The following PEAR1 variants were observed in gnomAD, a reference collection of about 807,000 sequenced individuals.
The protein encoded by PEAR1 is platelet endothelial aggregation receptor 1.
Under a neutral mutation model 131.2 loss-of-function variants are expected in PEAR1, and 113 were observed. The observed-to-expected ratio is 0.86, with a 90% CI of 0.74 to 1.01. The LOEUF (loss-of-function observed/expected upper bound fraction) is 1.01, where lower values mean the gene tolerates loss of function less well. Ranked by LOEUF, PEAR1 falls within the 50% of genes least tolerant of loss-of-function variation. The pLI, the probability that PEAR1 is intolerant of heterozygous loss-of-function variation, is 0.00. For missense variants in PEAR1, 1,408 were observed against 1,391.1 expected (o/e 1.01, Z -0.19); for synonymous variants, 565 against 523.3 (o/e 1.08, Z -1.09).
At position 156,913,740 on chromosome 1, in the gene PEAR1, C is replaced by T. The variant is rs1651548036; in HGVS notation, c.2693C>T (p.Pro898Leu). Residue 898 changes from proline (P) to leucine (L), a missense_variant, in exon 21 of 23, where the codon CCA becomes CTA. Coordinates refer to ENST00000292357, the MANE Select transcript of PEAR1 (RefSeq NM_001080471.3). The stretch of plus-strand genomic sequence containing the variant: ...TACAGCTATAGCTACAGCAATGGCC[C>T]AGGCCCATTCTACAATAAAGGTATG... Reference protein sequence around the residue: ...RSYSYSYSNGPGPFYNKGLIS... With the variant: ...RSYSYSYSNGLGPFYNKGLIS... 1 of 1,614,084 alleles carries T rather than the reference C, an allele frequency of 6.2e-7. No homozygotes were observed. Among genetic ancestry groups the T allele is most frequent in the Non-Finnish European group, 8.5e-7 (1 of 1,179,986 alleles).
In PEAR1 at chr1:156,914,920, A is replaced by G. The variant is rs1375237681; in HGVS notation, c.*122A>G. On this transcript the variant is annotated 3_prime_UTR_variant, in exon 23 of 23. Coordinates refer to ENST00000292357, the MANE Select transcript of PEAR1 (RefSeq NM_001080471.3). Reference sequence around the variant, plus strand: ...GACCGGCAGGCTGTGAACATGAACAACGCTTAACAGAGCAAGTGATGGGAG... The same window carrying G: ...GACCGGCAGGCTGTGAACATGAACAGCGCTTAACAGAGCAAGTGATGGGAG... 9.1e-7 allele frequency: 1 copy of G among 1,099,892 alleles called. No homozygotes were observed. Among genetic ancestry groups the G allele is most frequent in the Admixed American group, 2.8e-5 (1 of 35,796 alleles). 68.1% of individuals were successfully genotyped at this position (1,099,892 alleles called of 1,614,324 possible).
Position 156,910,664 on chromosome 1 carries a change from C to T in PEAR1, c.1872C>T (p.Cys624=), listed in dbSNP as rs773642413. 8 of 1,613,980 alleles carry T rather than the reference C, an allele frequency of 5.0e-6. No homozygotes were observed. The highest frequency in any genetic ancestry group is 6.8e-6 in the Non-Finnish European group (8 of 1,180,036). ...GCAAACGCTGTGTGCCCTGCAAGTG[C>T]GCTAACCACTCCTTCTGCCACCCCT... ...RYGKRCVPCK[C]ANHSFCHPSN... is the part of the protein sequence containing the mutation. Residue 624 remains cysteine, a synonymous_variant, in exon 15 of 23, where the codon TGC becomes TGT. Coordinates refer to ENST00000292357, the MANE Select transcript of PEAR1 (RefSeq NM_001080471.3).
At position 156,914,930 on chromosome 1, in the gene PEAR1, G is replaced by A; in HGVS notation, c.*132G>A. ...CTGTGAACATGAACAACGCTTAACA[G>A]AGCAAGTGATGGGAGCCTTGTTCCT... On this transcript the variant is annotated 3_prime_UTR_variant, in exon 23 of 23. Transcript: ENST00000292357. The A allele has an allele frequency of 1.0e-6, 1 of 990,620 alleles. No homozygotes were observed. The highest frequency in any genetic ancestry group is 2.0e-5 in the South Asian group (1 of 49,694). The allele number at this position is 990,620 out of a possible 1,614,324, so 61.4% of individuals were successfully genotyped here. A position where few individuals can be genotyped will look rare whatever the true frequency, so the allele number is the denominator to read the frequency against.
In PEAR1 at chr1:156,914,683, C is replaced by A. The variant is rs190050309; in HGVS notation, c.2999C>A (p.Pro1000Gln). ...DSVGSQPPLPPGLPPGHYDSP... is the reference protein window; with the variant it reads ...DSVGSQPPLPQGLPPGHYDSP... Reference sequence around the variant, plus strand: ...GTGGGCTCCCAGCCCCCTCTGCCTCCGGGCCTACCCCCCGGCCACTATGAC... The same window carrying A: ...GTGGGCTCCCAGCCCCCTCTGCCTCAGGGCCTACCCCCCGGCCACTATGAC... Residue 1000 changes from proline to glutamine, a missense_variant, in exon 23 of 23, where the codon CCG becomes CAG. Physicochemically the swap from Pro to Gln is moderately conservative, Grantham distance 76 (BLOSUM62 -1). Coordinates refer to ENST00000292357, the MANE Select transcript of PEAR1 (RefSeq NM_001080471.3). The A allele has an allele frequency of 6.2e-7, 1 of 1,613,586 alleles. No homozygotes were observed.
chr1:156,907,809 G>A, intron 7 of PEAR1, 79 bp downstream of exon 7: 1 of 1,558,624 alleles, frequency 6.4e-7, no homozygotes, highest in Admixed American at 1.8e-5. Flanking sequence ...GGGCTCCAAG[G>A]TGAGTGAGGG....
Position 156,912,919 on chromosome 1 carries a change from C to G in PEAR1, c.2359C>G (p.His787Asp). The G allele has an allele frequency of 1.2e-6, 2 of 1,614,236 alleles. No individual in the cohort carries two copies. The highest frequency in any genetic ancestry group is 1.7e-6 in the Non-Finnish European group (2 of 1,180,044). The change falls in exon 18 of 23, where the codon CAC becomes GAC. Residue 787 changes from histidine to aspartate, a missense_variant. By Grantham distance (81) the His-to-Asp change is moderately conservative (BLOSUM62 -1). Coordinates refer to ENST00000292357, the MANE Select transcript of PEAR1 (RefSeq NM_001080471.3). ...TCGGCACTGGCAAAAAGGCAAGGAG[C>G]ACCACCACCTGGCTGTGGCTTACAG... ...GYRHWQKGKEHHHLAVAYSSG... is the reference protein window; with the variant it reads ...GYRHWQKGKEDHHLAVAYSSG...
rs1186719738 is a variant in PEAR1, at chr1:156,905,548, C to T, written c.307+124C>T. On this transcript the variant is annotated intron_variant, in intron 4 of 22. Coordinates refer to ENST00000292357, the MANE Select transcript of PEAR1 (RefSeq NM_001080471.3). ...TTACTCCTCTGCCCTTTTGGGTTCC[C>T]CCCTCCTCTCCTCTCCCTGGCCTTG... 7.7e-6 allele frequency: 6 copies of T among 781,612 alleles called. No homozygotes were observed. In the Admixed American group the frequency reaches 1.3e-4, roughly 17 times the overall value. 48.4% of individuals were successfully genotyped at this position (781,612 alleles called of 1,614,324 possible).
intron 14 of PEAR1, 61 bp from the exon 15 acceptor site, chr1:156,910,557 G>A: frequency 1.3e-6 from 2 of 1,592,272 alleles, no homozygotes; most frequent in Non-Finnish European, 1.7e-6. Flanking sequence ...GGAGACGGTG[G>A]GGTAAGGGCT....
In PEAR1 at chr1:156,908,162, C is replaced by A; in HGVS notation, c.937C>A (p.Gln313Lys). ...REECPVGRFGQDCAETCDCAP... is the reference protein window; with the variant it reads ...REECPVGRFGKDCAETCDCAP... ...GGAGTGCCCGGTGGGCCGCTTTGGG[C>A]AGGACTGTGCTGAGACGTGCGACTG... The change falls in exon 9 of 23, where the codon CAG (glutamine) becomes AAG (lysine). Residue 313 changes from glutamine (Q) to lysine (K), a missense_variant. Gln to Lys is a moderately conservative substitution (Grantham distance 53). Coordinates refer to ENST00000292357, the MANE Select transcript of PEAR1 (RefSeq NM_001080471.3). This position sits in a 1 kb window ranked among gnomAD's most constrained non-coding sequence, Gnocchi z 4.2. The A allele has an allele frequency of 6.2e-7, 1 of 1,603,240 alleles. No homozygotes were observed. The highest frequency in any genetic ancestry group is 8.5e-7 in the Non-Finnish European group (1 of 1,178,198).
chr1:156,909,624 T>C, intron 11 of PEAR1, 127 bp from the exon 12 acceptor site: 1 of 1,015,864 alleles, frequency 9.8e-7, no homozygotes, highest in Non-Finnish European at 1.4e-6. Context: ...TTCTCCTGTA[T>C]GGTGCCGTGA....
intron 1 of PEAR1, among the ~76,000 whole-genome samples, chr1:156,895,019 G>A (rs1649026291): frequency 6.6e-6 from 1 of 152,200 alleles, no homozygotes; most frequent in African/African-American, 2.4e-5. Flanking sequence ...CCTATCTCCT[G>A]TGTCTCCTCC....
chr1:156,912,572 CTG>C lies in PEAR1; in HGVS notation c.2160_2161del (p.Ala722LeufsTer31). ...CCTGGAGAAAAGTGCCACCCAGAGA[CTG>C]GGGCCTGTGTATGTCCCCCAGGGCA... is the stretch of plus-strand genomic sequence containing the variant. On this transcript the variant is annotated frameshift_variant, in exon 17 of 23. Coordinates refer to ENST00000292357, the MANE Select transcript of PEAR1 (RefSeq NM_001080471.3). LOFTEE classifies it high-confidence loss of function. 1.2e-6 allele frequency: 2 copies of C among 1,614,086 alleles called. No individual in the cohort carries two copies. Among genetic ancestry groups the C allele is most frequent in the South Asian group, 2.2e-5 (2 of 91,090 alleles).
rs1320883964 is a variant in PEAR1 at position 156,906,686 on chromosome 1, C to T, written c.450C>T (p.Cys150=). Reference sequence around the variant, plus strand: ...CACAGTGTGACAAGCCCTGCAGCTGCGGCAACAACAGCTCGTGTGATCCCA... The same window carrying T: ...CACAGTGTGACAAGCCCTGCAGCTGTGGCAACAACAGCTCGTGTGATCCCA... ...WGPQCDKPCS[C]GNNSSCDPKS... Residue 150 remains cysteine (C), a synonymous_variant, in exon 6 of 23, where the codon TGC becomes TGT. Coordinates refer to ENST00000292357, the MANE Select transcript of PEAR1 (RefSeq NM_001080471.3). 14 of 1,614,058 alleles carry T rather than the reference C, an allele frequency of 8.7e-6. No homozygotes were observed. Among genetic ancestry groups the T allele is most frequent in the Middle Eastern group, 1.6e-4 (1 of 6,084 alleles).
In PEAR1 at chr1:156,913,703, C is replaced by T. The variant is rs1053420108; in HGVS notation, c.2656C>T (p.Leu886=). The T allele has an allele frequency of 1.9e-6, 3 of 1,613,998 alleles. No individual in the cohort carries two copies. The highest frequency in any genetic ancestry group is 2.5e-6 in the Non-Finnish European group (3 of 1,179,992). Residue 886 remains leucine (L), a synonymous_variant, in exon 21 of 23, where the codon CTG becomes TTG. Transcript: ENST00000292357. ...CTCCTCCTCCTCAGGGAGCAGCCGC[C>T]TGGACCGAAGCTACAGCTATAGCTA... ...PGPLDRGSSR[L]DRSYSYSYSN...
chr1:156,910,114 C>G lies in PEAR1; in HGVS notation c.1678+6C>G. The G allele has an allele frequency of 8.1e-6, 13 of 1,614,092 alleles. No homozygotes were observed. Among genetic ancestry groups the G allele is most frequent in the Non-Finnish European group, 1.1e-5 (13 of 1,179,980 alleles). On this transcript the variant is annotated splice_donor_region_variant and intron_variant, in intron 13 of 22. Transcript: ENST00000292357. Reference sequence around the variant, plus strand: ...GTGCCAGGCTGGCTGGATGGGTGAGCATTCTGGGGCCCCAGGCCTACTGTG... The same window carrying G: ...GTGCCAGGCTGGCTGGATGGGTGAGGATTCTGGGGCCCCAGGCCTACTGTG...
intron 1 of PEAR1, among the ~76,000 whole-genome samples, chr1:156,899,224 C>A (rs1181236923): frequency 6.6e-6 from 1 of 151,966 alleles, no homozygotes; most frequent in African/African-American, 2.4e-5. Flanking sequence ...GCTTGTAAGA[C>A]AGAGATAGGA....
At chr1:156,909,122 G>T in intron 11 of PEAR1, 86 bp downstream of exon 11, 1 of 1,565,210 alleles carries the variant, frequency 6.4e-7, no homozygotes, top group Non-Finnish European at 8.7e-7. Context: ...TGGGCCAAGG[G>T]CAGGGGAGCG....
At position 156,910,684 on chromosome 1, in the gene PEAR1, A is replaced by C. The variant is rs1215207943; in HGVS notation, c.1892A>C (p.His631Pro). Reference protein sequence around the residue: ...PCKCANHSFCHPSNGTCYCLA... With the variant: ...PCKCANHSFCPPSNGTCYCLA... ...AAGTGCGCTAACCACTCCTTCTGCCACCCCTCGAACGGGACCTGCTACTGC... is the reference window on the plus strand; with the variant it reads ...AAGTGCGCTAACCACTCCTTCTGCCCCCCCTCGAACGGGACCTGCTACTGC... The change falls in exon 15 of 23, where the codon CAC becomes CCC. Residue 631 changes from histidine (H) to proline (P), a missense_variant. Coordinates refer to ENST00000292357, the MANE Select transcript of PEAR1 (RefSeq NM_001080471.3). The C allele has an allele frequency of 6.2e-7, 1 of 1,613,746 alleles. No individual in the cohort carries two copies. Among genetic ancestry groups the C allele is most frequent in the Non-Finnish European group, 8.5e-7 (1 of 1,179,982 alleles).
rs78436112 is a variant in PEAR1, at chr1:156,905,082, T to TGGGG, written c.207-235_207-232dup. 4.5e-6 allele frequency: 4 copies of TGGGG among 880,954 alleles called. No individual in the cohort carries two copies. The African/African-American group carries it at 5.1e-5, about 11-fold the overall frequency. 54.6% of individuals were successfully genotyped at this position (880,954 alleles called of 1,614,324 possible). On this transcript the variant is annotated intron_variant, in intron 3 of 22. Coordinates refer to ENST00000292357, the MANE Select transcript of PEAR1 (RefSeq NM_001080471.3). ...ATGTTACAGTATATGCCTGTGGGGT[T>TGGGG]GGGGGGGGGGCAAGAAGGGAATGCT...
Sources: gnomAD v4.1 joint callset for allele counts (sites outside exome capture counted in the v4.1 genomes callset) on GRCh38, gnomAD v4.1.1 for gene constraint, Gnocchi (gnomAD v3.1) non-coding constraint, MANE v1.5 for transcripts, NCBI Gene and HGNC (gene_info 2026-07-23, HGNC 2026-07-21) for gene names.